DRC8: variants seen among roughly 807,000 people sequenced by gnomAD.
DRC8 encodes the protein dynein regulatory complex protein 8.
chr1:245,021,105 A>G, the DRC8 span, among the ~76,000 whole-genome samples: 1 of 152,148 alleles, frequency 6.6e-6, no homozygotes, highest in Non-Finnish European at 1.5e-5. Flanking sequence ...TTTGTTTTGG[A>G]AAATATAGTT....
At chr1:245,042,224 ACT>A in the DRC8 span, among the ~76,000 whole-genome samples, 1 of 152,130 alleles carries the variant, frequency 6.6e-6, no homozygotes, top group African/African-American at 2.4e-5. Context: ...TTTCTCAGTC[ACT>A]CTGTAATATC....
the DRC8 span, among the ~76,000 whole-genome samples, chr1:245,047,860 T>G: frequency 6.8e-6 from 1 of 146,912 alleles, no homozygotes; most frequent in Non-Finnish European, 1.5e-5. Flanking sequence ...ACCTGTAATC[T>G]CTTATTTGAG....
chr1:245,103,647 G>C, the DRC8 span, among the ~76,000 whole-genome samples: 494 of 133,692 alleles, frequency 3.7e-3, no homozygotes, highest in Admixed American at 4.7e-3. Flanking sequence ...GGGGACCAGA[G>C]AGGCCAAGCA....
the DRC8 span, among the ~76,000 whole-genome samples, chr1:245,100,809 AATAATAAATACT>A: frequency 9.3e-6 from 1 of 107,312 alleles, no homozygotes; most frequent in South Asian, 3.4e-4. Context: ...TAATAATAAT[AATAATAAATACT>A]TCACAGTTTG....
the DRC8 span, among the ~76,000 whole-genome samples, chr1:244,972,845 A>G: frequency 0.58 from 87,799 of 150,918 alleles, 26,284 homozygotes; most frequent in East Asian, 0.75. Context: ...AACAAAAAAC[A>G]AAGTTCGAGA....
the DRC8 span, among the ~76,000 whole-genome samples, chr1:244,987,628 A>G: frequency 7.5e-6 from 1 of 132,576 alleles, no homozygotes; most frequent in African/African-American, 2.9e-5. Flanking sequence ...AAAGGCCAAG[A>G]ATTGGATTCT....
chr1:245,104,854 G>T, the DRC8 span, among the ~76,000 whole-genome samples: 1 of 152,178 alleles, frequency 6.6e-6, no homozygotes, highest in African/African-American at 2.4e-5. Context: ...TCATAAATAT[G>T]CTTTTACCAT....
chr1:245,057,218 C>T, the DRC8 span, among the ~76,000 whole-genome samples: 90 of 152,102 alleles, frequency 5.9e-4, no homozygotes, highest in Non-Finnish European at 1.1e-3. Context: ...ACTATATATG[C>T]GGAAACCTCT....
chr1:244,970,592 C>A, the DRC8 span: 1 of 952,330 alleles, frequency 1.1e-6, no homozygotes, highest in Non-Finnish European at 1.4e-6. Context: ...CACCCGGCAG[C>A]AGCAGTCGCC....
At chr1:244,993,353 G>A in the DRC8 span, among the ~76,000 whole-genome samples, 1 of 152,130 alleles carries the variant, frequency 6.6e-6, no homozygotes, top group Non-Finnish European at 1.5e-5. Context: ...ACTAGAATGG[G>A]CCTTCCGTCC....
chr1:245,085,064 T>C, the DRC8 span, among the ~76,000 whole-genome samples: 1 of 152,266 alleles, frequency 6.6e-6, no homozygotes, highest in African/African-American at 2.4e-5. Context: ...TAGATTTTCC[T>C]ACTGTTGTGT....
At chr1:244,991,029 A>G in the DRC8 span, among the ~76,000 whole-genome samples, 125,958 of 152,096 alleles carry the variant, frequency 0.83, 52,295 homozygotes, top group East Asian at 1. Context: ...CCACAAGACC[A>G]TTCCCTAGGA....
chr1:245,021,187 A>G, the DRC8 span, among the ~76,000 whole-genome samples: 14 of 152,148 alleles, frequency 9.2e-5, no homozygotes, highest in Non-Finnish European at 2.1e-4. Flanking sequence ...ATAAATACAT[A>G]TTTTTAAAAT....
At chr1:245,087,221 A>C in the DRC8 span, 4 of 1,599,548 alleles carry the variant, frequency 2.5e-6, no homozygotes, top group Non-Finnish European at 2.5e-6. Context: ...CTAAATGATA[A>C]ATTTTCCTTT....
chr1:245,101,865 G>A, the DRC8 span, among the ~76,000 whole-genome samples: 2 of 152,152 alleles, frequency 1.3e-5, no homozygotes, highest in South Asian at 4.1e-4. Context: ...AACAGTGGGA[G>A]CTGCTTCAGG....
chr1:244,970,569 CT>C, the DRC8 span: 2 of 1,307,502 alleles, frequency 1.5e-6, no homozygotes, highest in Non-Finnish European at 1.0e-6. Context: ...AAAGGGCGGC[CT>C]GAGGAGGGGG....
At chr1:245,003,424 A>G in the DRC8 span, among the ~76,000 whole-genome samples, 1 of 148,358 alleles carries the variant, frequency 6.7e-6, no homozygotes, top group Non-Finnish European at 1.5e-5. Context: ...AGACTTGGGC[A>G]CAGAGAGGTT....
chr1:245,025,802 G>C, the DRC8 span, among the ~76,000 whole-genome samples: 10 of 152,146 alleles, frequency 6.6e-5, no homozygotes, highest in Admixed American at 6.6e-4. Context: ...TTCCCATGCT[G>C]TTCTTGTGGT....
At chr1:244,970,377 G>T in the DRC8 span, 16 of 1,533,150 alleles carry the variant, frequency 1.0e-5, no homozygotes, top group African/African-American at 2.8e-5. Context: ...CGCGGCCGAG[G>T]TTATCGTTAG....
Sources: allele counts gnomAD v4.1 joint callset (sites outside exome capture counted in the v4.1 genomes callset), GRCh38; gene constraint gnomAD v4.1.1; transcripts MANE v1.5; gene names NCBI Gene and HGNC (gene_info 2026-07-23, HGNC 2026-07-21).